The following GPHN variants were observed in gnomAD, a reference collection of about 807,000 sequenced individuals.
GPHN encodes gephyrin.
A neutral mutation model predicts 95.5 loss-of-function variants in GPHN; 17 were observed. The ratio of observed to expected loss-of-function variants is 0.18; its 90% CI spans 0.12 to 0.27. The LOEUF (loss-of-function observed/expected upper bound fraction) is 0.27, where lower values mean the gene tolerates loss of function less well. Ranked by LOEUF, GPHN falls within the 10% of genes least tolerant of loss-of-function variation. GPHN has a pLI of 1.00. For synonymous variants in GPHN, 320 were observed against 322.5 expected (o/e 0.99, Z 0.08); for missense variants, 660 against 978.1 (o/e 0.67, Z 4.34).
intron 1 of GPHN, among the ~76,000 whole-genome samples, chr14:66,562,457 T>C (rs2060296842): frequency 3.3e-5 from 5 of 152,134 alleles, no homozygotes; most frequent in Admixed American, 2.6e-4. Flanking sequence ...TATTTGTCAA[T>C]TGTACCTTAA....
At chr14:67,666,219 CAT>C in the GPHN span, among the ~76,000 whole-genome samples, 10 of 152,162 alleles carry the variant, frequency 6.6e-5, no homozygotes, top group East Asian at 1.9e-4. Flanking sequence ...TGTGTTTAGT[CAT>C]AAATTCTCCT....
At chr14:67,108,959 C>A (rs983401012) in intron 13 of GPHN, among the ~76,000 whole-genome samples, 2 of 152,030 alleles carry the variant, frequency 1.3e-5, no homozygotes, top group Non-Finnish European at 2.9e-5. Context: ...TGTTGTTGGG[C>A]AATTTTCTTG....
At chr14:67,171,869 A>G (rs1397664547) in intron 21 of GPHN, among the ~76,000 whole-genome samples, 3 of 152,066 alleles carry the variant, frequency 2.0e-5, no homozygotes, top group Non-Finnish European at 2.9e-5. Flanking sequence ...CTCCCTTGGC[A>G]AGGAATTAAG....
chr14:67,439,533 G>GTTTCTTTCTTC, the GPHN span, among the ~76,000 whole-genome samples: 1 of 96,062 alleles, frequency 1.0e-5, no homozygotes, highest in Non-Finnish European at 2.1e-5. Flanking sequence ...AAATTCAATA[G>GTTTCTTTCTTC]TTTCTTTCTT....
the GPHN span, among the ~76,000 whole-genome samples, chr14:67,645,250 G>A: frequency 1.3e-5 from 2 of 151,660 alleles, no homozygotes; most frequent in Non-Finnish European, 2.9e-5. Flanking sequence ...CTGGGCTCAT[G>A]TGATCCTCTC....
intron 1 of GPHN, among the ~76,000 whole-genome samples, chr14:66,552,413 TTACAG>T (rs1481712796): frequency 6.6e-6 from 1 of 152,224 alleles, no homozygotes; most frequent in Non-Finnish European, 1.5e-5. Flanking sequence ...AAGCCCTACT[TTACAG>T]TGTTTTATTT....
intron 1 of GPHN, among the ~76,000 whole-genome samples, chr14:66,667,826 A>G (rs2066056661): frequency 6.6e-6 from 1 of 152,222 alleles, no homozygotes; most frequent in Non-Finnish European, 1.5e-5. Context: ...CTGCACAGCT[A>G]AAGAAACTAT....
chr14:66,786,134 A>T (rs2059766305), intron 3 of GPHN, among the ~76,000 whole-genome samples: 1 of 152,146 alleles, frequency 6.6e-6, no homozygotes, highest in African/African-American at 2.4e-5. Context: ...AGAAATTGGT[A>T]AGCCTCTTGC....
At chr14:66,876,403 G>T (rs933678024) in intron 4 of GPHN, among the ~76,000 whole-genome samples, 1 of 151,982 alleles carries the variant, frequency 6.6e-6, no homozygotes, top group Non-Finnish European at 1.5e-5. Context: ...TAAAATCAGA[G>T]TAAAACTGAA....
At chr14:66,653,983 T>G (rs1369496163) in intron 1 of GPHN, among the ~76,000 whole-genome samples, 1 of 152,216 alleles carries the variant, frequency 6.6e-6, no homozygotes. Flanking sequence ...ATTTAATTCT[T>G]AAAATAACTG....
intron 5 of GPHN, among the ~76,000 whole-genome samples, chr14:66,904,847 G>C (rs1354965602): frequency 1.3e-5 from 2 of 152,084 alleles, no homozygotes; most frequent in African/African-American, 2.4e-5. Flanking sequence ...ACTGCTTTTA[G>C]GATTCTGTCT....
intron 8 of GPHN, among the ~76,000 whole-genome samples, chr14:66,957,232 G>C (rs1380125412): frequency 1.9e-5 from 2 of 107,722 alleles, no homozygotes; most frequent in Admixed American, 1.5e-4. Context: ...GTCTCGCTCT[G>C]TCTCCTAGGC....
the GPHN span, among the ~76,000 whole-genome samples, chr14:67,243,745 C>T: frequency 1.3e-5 from 2 of 152,078 alleles, no homozygotes; most frequent in African/African-American, 2.4e-5. Context: ...ATCCGCCCGC[C>T]TCGCCCTCCC....
At chr14:67,621,116 G>T in the GPHN span, 11 of 722,872 alleles carry the variant, frequency 1.5e-5, no homozygotes, top group African/African-American at 1.8e-4. Flanking sequence ...TGCGGCTTAA[G>T]ATCAAGGAGT....
the GPHN span, among the ~76,000 whole-genome samples, chr14:67,660,854 C>T: frequency 1.3e-5 from 2 of 152,074 alleles, no homozygotes; most frequent in African/African-American, 4.8e-5. Flanking sequence ...AAAAATGCTA[C>T]CAAGGTATTA....
At chr14:66,853,445 C>T (rs1296263571) in intron 4 of GPHN, among the ~76,000 whole-genome samples, 1 of 152,158 alleles carries the variant, frequency 6.6e-6, no homozygotes, top group Non-Finnish European at 1.5e-5. Context: ...GACTGGGTAA[C>T]TTATAAAGGA....
At chr14:66,528,037 C>T (rs576868759) in intron 1 of GPHN, among the ~76,000 whole-genome samples, 107 of 152,158 alleles carry the variant, frequency 7.0e-4, no homozygotes, top group Middle Eastern at 3.4e-3. Context: ...TTTTCTGTCT[C>T]GTTGATCTGT....
intron 11 of GPHN, among the ~76,000 whole-genome samples, chr14:67,080,438 T>C (rs2076647832): frequency 6.6e-6 from 1 of 152,102 alleles, no homozygotes; most frequent in African/African-American, 2.4e-5. Flanking sequence ...TCTATTTTGC[T>C]TTAGTTGCCT....
chr14:66,568,626 A>G (rs1301187932), intron 1 of GPHN, among the ~76,000 whole-genome samples: 2 of 152,134 alleles, frequency 1.3e-5, no homozygotes, highest in Non-Finnish European at 2.9e-5. Flanking sequence ...GGAAATAGCA[A>G]TTGAACTTTA....
Sources: gnomAD v4.1 joint callset for allele counts (sites outside exome capture counted in the v4.1 genomes callset) on GRCh38, gnomAD v4.1.1 for gene constraint, MANE v1.5 for transcripts, NCBI Gene and HGNC (gene_info 2026-07-23, HGNC 2026-07-21) for gene names.